The following SDCCAG8 variants were observed in gnomAD, a reference collection of about 807,000 sequenced individuals.
SDCCAG8 encodes serologically defined colon cancer antigen 8.
In SDCCAG8, 74 loss-of-function variants were observed where a neutral mutation model predicts 101.8. The ratio of observed to expected loss-of-function variants is 0.73; its 90% confidence interval spans 0.60 to 0.88. The LOEUF is 0.88. SDCCAG8 is among the 40% of genes least tolerant of loss of function. SDCCAG8 has a pLI of 0.00. For missense variants in SDCCAG8, 787 were observed against 822.6 expected (o/e 0.96, Z 0.53); for synonymous variants, 281 against 292.9 (o/e 0.96, Z 0.41).
intron 16 of SDCCAG8, chr1:243,476,089 A>G: frequency 1.0e-6 from 1 of 985,156 alleles, no homozygotes; most frequent in Non-Finnish European, 1.2e-6. Context: ...TGTGTGGAGG[A>G]CCCCCTTTTA....
At chr1:243,487,694 G>T (rs1217251671) in intron 16 of SDCCAG8, 2 of 152,368 alleles carry the variant, frequency 1.3e-5, no homozygotes, top group Non-Finnish European at 2.9e-5. Context: ...GGGGGCGGTG[G>T]TGCGGAATTG....
At chr1:243,440,704 A>G (rs2082476375) in intron 16 of SDCCAG8, among the ~76,000 whole-genome samples, 1 of 152,178 alleles carries the variant, frequency 6.6e-6, no homozygotes, top group Non-Finnish European at 1.5e-5. Flanking sequence ...TGGCTTTTTG[A>G]CATTTCTTTG....
intron 5 of SDCCAG8, among the ~76,000 whole-genome samples, chr1:243,287,564 T>C (rs976573426): frequency 1.3e-5 from 2 of 152,194 alleles, no homozygotes; most frequent in African/African-American, 4.8e-5. Flanking sequence ...TGCAATTGCA[T>C]TTAAGTTTGT....
intron 15 of SDCCAG8, 137 bp from the exon 16 acceptor site, chr1:243,426,290 T>C (rs1327830633): frequency 2.6e-6 from 2 of 761,288 alleles, no homozygotes; most frequent in Admixed American, 2.5e-5. Flanking sequence ...AAATATTTTC[T>C]TTTGCAAAGG....
intron 3 of SDCCAG8, among the ~76,000 whole-genome samples, chr1:243,271,807 G>T (rs778800907): frequency 1.3e-5 from 2 of 152,112 alleles, no homozygotes; most frequent in South Asian, 4.1e-4. Context: ...GCCTCCCAAA[G>T]CACCGGGATT....
At position 243,417,951 on chromosome 1, in the gene SDCCAG8, T is replaced by G. The variant is rs2080716912; in HGVS notation, c.1745-17T>G. On this transcript the variant is annotated splice_polypyrimidine_tract_variant and intron_variant, in intron 14 of 17. Transcript: ENST00000366541. ...CATAAACATCTTATGTTGGTGGGGG[T>G]TTATTGTTATTTCTAGAAAATGAAC... 1.3e-6 allele frequency: 2 copies of G among 1,550,966 alleles called. No individual in the cohort carries two copies. The highest frequency in any genetic ancestry group is 1.8e-6 in the Non-Finnish European group (2 of 1,123,090).
intron 16 of SDCCAG8, among the ~76,000 whole-genome samples, chr1:243,469,204 A>T (rs1278627535): frequency 6.6e-6 from 1 of 152,196 alleles, no homozygotes; most frequent in Non-Finnish European, 1.5e-5. Flanking sequence ...AATTGGACTC[A>T]TATTATCTAG....
In SDCCAG8 at chr1:243,289,322, G is replaced by T. The variant is rs146986841; in HGVS notation, c.546+2925G>T. ...ATGTTTTTCTGCCTGCTTTATATTC[G>T]CTGGCAGCTGATTAGATGGTGCCCA... is the stretch of plus-strand genomic sequence containing the variant. On this transcript the variant is annotated intron_variant, in intron 5 of 17. Coordinates refer to ENST00000366541, the MANE Select transcript of SDCCAG8 (RefSeq NM_006642.5). Among the ~76,000 whole-genome samples, 187 of 152,166 alleles carry T rather than the reference G, an allele frequency of 1.2e-3. 1 individual carries two copies. The highest frequency in any genetic ancestry group is 4.2e-3 in the African/African-American group (176 of 41,518).
intron 6 of SDCCAG8, among the ~76,000 whole-genome samples, chr1:243,296,628 C>T (rs1388742966): frequency 7.1e-6 from 1 of 140,368 alleles, no homozygotes; most frequent in South Asian, 2.3e-4. Flanking sequence ...CTGCAAGCTC[C>T]GCCTTCCGGG....
chr1:243,452,137 CAGT>C (rs777231601), intron 16 of SDCCAG8, among the ~76,000 whole-genome samples: 58 of 152,286 alleles, frequency 3.8e-4, no homozygotes, highest in Middle Eastern at 6.8e-3. Context: ...CACAGACAGA[CAGT>C]AGGCCACACA....
chr1:243,448,147 C>A (rs1474474168), intron 16 of SDCCAG8, among the ~76,000 whole-genome samples: 1 of 152,190 alleles, frequency 6.6e-6, no homozygotes, highest in Non-Finnish European at 1.5e-5. Flanking sequence ...GAGGTGTCAT[C>A]CACAGGTGAA....
At chr1:243,331,616 T>A (rs1464315038) in intron 10 of SDCCAG8, among the ~76,000 whole-genome samples, 1 of 152,182 alleles carries the variant, frequency 6.6e-6, no homozygotes. Flanking sequence ...TTTTAAAAAT[T>A]GTGTCTGTCA....
chr1:243,271,829 C>T (rs2068113160), intron 3 of SDCCAG8, among the ~76,000 whole-genome samples: 1 of 152,106 alleles, frequency 6.6e-6, no homozygotes. Context: ...TAGGTGTGAG[C>T]CACCGCGCCT....
At chr1:243,307,375 T>C (rs1287937958) in intron 7 of SDCCAG8, 3 of 979,318 alleles carry the variant, frequency 3.1e-6, no homozygotes, top group African/African-American at 3.6e-5. Flanking sequence ...TCTATGTAAC[T>C]TCCTTCTGTA....
At chr1:243,447,248 CAAA>C (rs397830130) in intron 16 of SDCCAG8, among the ~76,000 whole-genome samples, 6 of 41,388 alleles carry the variant, frequency 1.4e-4, no homozygotes, top group Admixed American at 3.8e-4. Flanking sequence ...GACTTCGTCT[CAAA>C]AAAAAAAAAA....
chr1:243,309,012 G>C (rs1033108511), intron 8 of SDCCAG8, among the ~76,000 whole-genome samples: 35 of 152,232 alleles, frequency 2.3e-4, no homozygotes, highest in African/African-American at 8.2e-4. Flanking sequence ...ACTGACTTAG[G>C]TTCCTTTCTT....
intron 4 of SDCCAG8, among the ~76,000 whole-genome samples, chr1:243,283,406 T>C (rs2069254656): frequency 6.8e-6 from 1 of 147,824 alleles, no homozygotes; most frequent in South Asian, 2.1e-4. Flanking sequence ...TTTATTTATA[T>C]ATATATATAT....
intron 15 of SDCCAG8, among the ~76,000 whole-genome samples, chr1:243,418,797 A>G (rs189505246): frequency 7.7e-4 from 117 of 152,328 alleles, no homozygotes; most frequent in African/African-American, 2.6e-3. Context: ...CTTCTTTTGT[A>G]AATGAAAGAC....
chr1:243,418,149 A>T, intron 15 of SDCCAG8, 73 bp downstream of exon 15: 2 of 1,042,686 alleles, frequency 1.9e-6, no homozygotes, highest in Non-Finnish European at 3.0e-6. Flanking sequence ...AAAAAACATC[A>T]TTTGCACTGT....
Sources: gnomAD v4.1 joint callset for allele counts (sites outside exome capture counted in the v4.1 genomes callset) on GRCh38, gnomAD v4.1.1 for gene constraint, MANE v1.5 for transcripts, NCBI Gene and HGNC (gene_info 2026-07-23, HGNC 2026-07-21) for gene names.